Variants in SOX5 observed in about 807,000 individuals in gnomAD.
The protein encoded by SOX5 is SRY-box transcription factor 5.
In SOX5, 9 loss-of-function variants were observed where a neutral mutation model predicts 92.0. The ratio of observed to expected loss-of-function variants is 0.10; its 90% CI spans 0.06 to 0.17. The LOEUF (loss-of-function observed/expected upper bound fraction) is 0.17. Ranked by LOEUF, SOX5 falls within the 10% of genes least tolerant of loss-of-function variation. The probability of loss-of-function intolerance (pLI) is 1.00; values close to 1 mark genes in which losing one functional copy is unlikely to be tolerated. For synonymous variants in SOX5, 344 were observed against 336.3 expected (o/e 1.02, Z -0.25); for missense variants, 642 against 944.5 (o/e 0.68, Z 4.20).
At chr12:24,349,672 C>T (rs956116441) in intron 2 of SOX5, among the ~76,000 whole-genome samples, 2 of 152,080 alleles carry the variant, frequency 1.3e-5, no homozygotes, top group African/African-American at 4.8e-5. Flanking sequence ...TTTGTTTATC[C>T]ATTTATCCAC....
chr12:23,695,880 G>A (rs1280785090), intron 6 of SOX5, among the ~76,000 whole-genome samples: 1 of 133,646 alleles, frequency 7.5e-6, no homozygotes, highest in Non-Finnish European at 1.5e-5. Flanking sequence ...GGCAGAGCTT[G>A]CAGTGAGCCG....
chr12:24,063,689 T>C (rs1940154267), intron 4 of SOX5, among the ~76,000 whole-genome samples: 1 of 152,196 alleles, frequency 6.6e-6, no homozygotes, highest in South Asian at 2.1e-4. Flanking sequence ...TATTATAATA[T>C]ACCTGTCACA....
intron 2 of SOX5, among the ~76,000 whole-genome samples, chr12:23,876,926 T>C (rs1211600586): frequency 1.3e-5 from 2 of 152,172 alleles, no homozygotes; most frequent in Admixed American, 1.3e-4. Context: ...TTCTCACTCA[T>C]AAGTGGGAAT....
intron 1 of SOX5, among the ~76,000 whole-genome samples, chr12:24,422,210 C>G (rs1966031129): frequency 1.3e-5 from 2 of 152,140 alleles, no homozygotes; most frequent in African/African-American, 4.8e-5. Flanking sequence ...TGAGTAGTGT[C>G]TCATATTTCA....
At chr12:24,271,675 A>G (rs887926529) in intron 3 of SOX5, among the ~76,000 whole-genome samples, 5 of 152,188 alleles carry the variant, frequency 3.3e-5, no homozygotes, top group Non-Finnish European at 5.9e-5. Context: ...TAGAGATCCA[A>G]TCTTATTTTT....
rs1346651170 is a variant in SOX5, at chr12:23,530,726, T to G, written c.*3493A>C. The G allele has an allele frequency of 6.6e-6, 1 of 151,904 alleles. No individual in the cohort carries two copies. The highest frequency in any genetic ancestry group is 2.4e-5 in the African/African-American group (1 of 41,400). 9.4% of individuals were successfully genotyped at this position (151,904 alleles called of 1,614,324 possible). On this transcript the variant is annotated 3_prime_UTR_variant, in exon 15 of 15. Transcript: ENST00000451604. ...TTAGATTCATATGAAAACAGGACTATTTTTAGAGAAACGGACTACAACAAC... is the reference window on the plus strand; with the variant it reads ...TTAGATTCATATGAAAACAGGACTAGTTTTAGAGAAACGGACTACAACAAC...
intron 1 of SOX5, among the ~76,000 whole-genome samples, chr12:24,535,417 GAGA>G (rs1951554783): frequency 6.6e-6 from 1 of 152,128 alleles, no homozygotes; most frequent in Admixed American, 6.5e-5. Context: ...TTTCTTTTGT[GAGA>G]AGAACTAGGA....
chr12:24,002,866 T>C (rs527468729), intron 4 of SOX5, among the ~76,000 whole-genome samples: 82 of 136,564 alleles, frequency 6.0e-4, no homozygotes, highest in African/African-American at 2.1e-3. Flanking sequence ...GATAAAAACA[T>C]CATAAGAAAA....
chr12:23,641,814 T>C (rs2080109773), intron 7 of SOX5, among the ~76,000 whole-genome samples: 1 of 152,236 alleles, frequency 6.6e-6, no homozygotes, highest in Non-Finnish European at 1.5e-5. Context: ...AATTTTGTAA[T>C]GCATAAAACA....
At chr12:24,142,772 T>C (rs1282024463) in intron 4 of SOX5, among the ~76,000 whole-genome samples, 1 of 151,228 alleles carries the variant, frequency 6.6e-6, no homozygotes, top group Non-Finnish European at 1.5e-5. Flanking sequence ...GGAGCTCAGG[T>C]GGAGCTGGTA....
At chr12:24,330,909 T>C (rs1229594201) in intron 2 of SOX5, among the ~76,000 whole-genome samples, 3 of 152,176 alleles carry the variant, frequency 2.0e-5, no homozygotes, top group African/African-American at 7.2e-5. Flanking sequence ...TTTCACCAAG[T>C]TTCTGGAAGA....
chr12:24,028,729 T>C (rs967139636), intron 4 of SOX5, among the ~76,000 whole-genome samples: 6 of 152,156 alleles, frequency 3.9e-5, no homozygotes, highest in African/African-American at 1.4e-4. Context: ...TAATAATGAA[T>C]GTATGCCTCT....
At chr12:24,059,751 T>C (rs1939307013) in intron 4 of SOX5, among the ~76,000 whole-genome samples, 1 of 152,184 alleles carries the variant, frequency 6.6e-6, no homozygotes, top group Non-Finnish European at 1.5e-5. Context: ...GATAGTCATT[T>C]AAAGTGCAAC....
At chr12:23,629,362 T>TGGGAAAGAATA (rs2078242489) in intron 8 of SOX5, among the ~76,000 whole-genome samples, 6 of 152,064 alleles carry the variant, frequency 3.9e-5, no homozygotes, top group African/African-American at 1.4e-4. Context: ...TTTAAGAATA[T>TGGGAAAGAATA]CATGGCAAAA....
At chr12:23,978,946 G>C (rs1437804019) in intron 4 of SOX5, among the ~76,000 whole-genome samples, 3 of 151,708 alleles carry the variant, frequency 2.0e-5, no homozygotes, top group East Asian at 1.9e-4. Flanking sequence ...TTTTTCCTTA[G>C]TTCTGGTCAT....
chr12:23,816,207 C>CTTTTTTTTTTTTTTTT, intron 3 of SOX5, among the ~76,000 whole-genome samples: 1 of 129,652 alleles, frequency 7.7e-6, no homozygotes. Context: ...GACAAGATTT[C>CTTTTTTTTTTTTTTTT]TTTTTTTTTT....
intron 4 of SOX5, among the ~76,000 whole-genome samples, chr12:24,022,033 C>T (rs1954351861): frequency 6.6e-6 from 1 of 152,116 alleles, no homozygotes; most frequent in Non-Finnish European, 1.5e-5. Flanking sequence ...ATGTGTCGGG[C>T]ACTATGCTAG....
chr12:24,113,161 A>C (rs1947573429), intron 4 of SOX5, among the ~76,000 whole-genome samples: 1 of 150,528 alleles, frequency 6.6e-6, no homozygotes, highest in Admixed American at 6.6e-5. Context: ...ATATATAATA[A>C]AATTATATAT....
chr12:24,388,525 G>T (rs1018232310), intron 1 of SOX5, among the ~76,000 whole-genome samples: 4 of 152,124 alleles, frequency 2.6e-5, no homozygotes, highest in Non-Finnish European at 5.9e-5. Flanking sequence ...AGGCCCAGGG[G>T]TGGTGACAAC....
Sources: gnomAD v4.1 joint callset for allele counts (sites outside exome capture counted in the v4.1 genomes callset) on GRCh38, gnomAD v4.1.1 for gene constraint, MANE v1.5 for transcripts, NCBI Gene and HGNC (gene_info 2026-07-23, HGNC 2026-07-21) for gene names.